The following ZPBP variants were observed in gnomAD, a reference collection of about 807,000 sequenced individuals.
The protein encoded by ZPBP is zona pellucida binding protein.
Under a neutral mutation model 44.8 loss-of-function variants are expected in ZPBP, and 26 were observed. That is an observed-to-expected ratio of 0.58 (90% confidence interval 0.43 to 0.81). The LOEUF (loss-of-function observed/expected upper bound fraction) is 0.81, where lower values mean the gene tolerates loss of function less well. Ranked by LOEUF, ZPBP falls within the 30% of genes least tolerant of loss-of-function variation. The probability of loss-of-function intolerance (pLI) is 0.00; values close to 1 mark genes in which losing one functional copy is unlikely to be tolerated. For missense variants in ZPBP, 409 were observed against 434.0 expected (o/e 0.94, Z 0.51); for synonymous variants, 174 against 153.2 (o/e 1.14, Z -1.00).
At chr7:50,009,048 T>A (rs969255262) in intron 6 of ZPBP, among the ~76,000 whole-genome samples, 6 of 151,832 alleles carry the variant, frequency 4.0e-5, no homozygotes, top group Admixed American at 1.3e-4. Context: ...AGCCTGGCCA[T>A]CATGGTGAAA....
chr7:50,030,134 G>A (rs1202340181), intron 5 of ZPBP, among the ~76,000 whole-genome samples: 2 of 152,096 alleles, frequency 1.3e-5, no homozygotes, highest in Non-Finnish European at 2.9e-5. Context: ...AACCTGAAGA[G>A]AGCCAAACTT....
intron 2 of ZPBP, among the ~76,000 whole-genome samples, chr7:49,851,492 A>G (rs2128716619): frequency 6.6e-6 from 1 of 152,314 alleles, no homozygotes; most frequent in Admixed American, 6.5e-5. Context: ...AAAGTGCTCC[A>G]GCAGATCTGA....
At chr7:49,994,169 C>T (rs1797699646) in intron 6 of ZPBP, among the ~76,000 whole-genome samples, 1 of 152,186 alleles carries the variant, frequency 6.6e-6, no homozygotes, top group African/African-American at 2.4e-5. Context: ...TGATGCATTG[C>T]CCAAAGTTTT....
At chr7:50,025,531 G>C (rs1414687791) in intron 5 of ZPBP, among the ~76,000 whole-genome samples, 1 of 151,668 alleles carries the variant, frequency 6.6e-6, no homozygotes, top group Non-Finnish European at 1.5e-5. Flanking sequence ...GCAATTCAAG[G>C]GAGAAAATAT....
intron 6 of ZPBP, among the ~76,000 whole-genome samples, chr7:50,007,785 C>A (rs549453641): frequency 6.6e-6 from 1 of 151,962 alleles, no homozygotes; most frequent in East Asian, 1.9e-4. Context: ...TATTTTTCAA[C>A]CGATGTAGAA....
intron 2 of ZPBP, among the ~76,000 whole-genome samples, chr7:49,876,463 T>C (rs576360846): frequency 6.6e-6 from 1 of 152,162 alleles, no homozygotes; most frequent in Non-Finnish European, 1.5e-5. Flanking sequence ...ATTAACTGTA[T>C]GTAAAAGCTC....
At chr7:49,914,245 C>G (rs913670823) in intron 1 of ZPBP, 4 of 152,246 alleles carry the variant, frequency 2.6e-5, no homozygotes, top group East Asian at 3.8e-4. Flanking sequence ...CAAAGTCTTC[C>G]TGTTTCCCTT....
At chr7:49,887,236 C>A (rs1388432178) in intron 2 of ZPBP, among the ~76,000 whole-genome samples, 1 of 152,174 alleles carries the variant, frequency 6.6e-6, no homozygotes, top group Non-Finnish European at 1.5e-5. Context: ...CTCTGACACA[C>A]ACTTATTTAT....
At chr7:50,039,142 T>C (rs1172474586) in intron 4 of ZPBP, among the ~76,000 whole-genome samples, 3 of 152,010 alleles carry the variant, frequency 2.0e-5, no homozygotes, top group Non-Finnish European at 2.9e-5. Context: ...TTCAAATAAT[T>C]CATTATAAAT....
intron 4 of ZPBP, among the ~76,000 whole-genome samples, chr7:50,033,488 G>C (rs1368869811): frequency 1.3e-5 from 2 of 152,054 alleles, no homozygotes; most frequent in African/African-American, 4.8e-5. Flanking sequence ...GAGAGGCATA[G>C]CATACTCTAA....
chr7:50,029,216 A>G (rs568001117), intron 5 of ZPBP, among the ~76,000 whole-genome samples: 4 of 152,312 alleles, frequency 2.6e-5, no homozygotes, highest in Admixed American at 2.0e-4. Context: ...CAAGGATGCC[A>G]AGACCATTCA....
chr7:49,889,954 T>C (rs931871584), intron 2 of ZPBP, among the ~76,000 whole-genome samples: 2 of 152,192 alleles, frequency 1.3e-5, no homozygotes, highest in African/African-American at 4.8e-5. Flanking sequence ...ATAACTAATC[T>C]CAATTTTAAT....
intron 1 of ZPBP, among the ~76,000 whole-genome samples, chr7:50,092,072 A>T (rs1803021672): frequency 6.6e-6 from 1 of 152,204 alleles, no homozygotes; most frequent in African/African-American, 2.4e-5. Context: ...CATCACTTAC[A>T]AGATACTAAC....
At chr7:50,012,596 G>A (rs1798636915) in intron 6 of ZPBP, among the ~76,000 whole-genome samples, 1 of 150,418 alleles carries the variant, frequency 6.6e-6, no homozygotes, top group African/African-American at 2.5e-5. Flanking sequence ...TTTGAAAAAT[G>A]TAACACCCAT....
intron 3 of ZPBP, among the ~76,000 whole-genome samples, chr7:50,078,266 G>A (rs1398834954): frequency 1.3e-5 from 2 of 151,538 alleles, no homozygotes; most frequent in Non-Finnish European, 3.0e-5. Context: ...GAGTTTTAGG[G>A]GGAAGTGGGG....
intron 6 of ZPBP, among the ~76,000 whole-genome samples, chr7:49,987,636 C>T (rs2128785393): frequency 6.6e-6 from 1 of 152,064 alleles, no homozygotes; most frequent in South Asian, 2.1e-4. Flanking sequence ...TAGAGAGTTC[C>T]ATCCAGAGGC....
rs368955605 is a variant in ZPBP at position 50,061,603 on chromosome 7, T to G, written c.335-3462A>C. Among the ~76,000 whole-genome samples, 15 of 152,252 alleles carry G rather than the reference T, an allele frequency of 9.9e-5. 1 individual carries two copies. The South Asian group carries it at 3.1e-3, about 32-fold the overall frequency. On this transcript the variant is annotated intron_variant, in intron 3 of 7. Transcript: ENST00000046087. ...GTAATCCCAGCTAATAAAGGGTTGA[T>G]TTTAATGATTTTAATGATTTCTCCT... is the stretch of plus-strand genomic sequence containing the variant.
At chr7:50,092,340 C>T (rs1331470608) in intron 1 of ZPBP, among the ~76,000 whole-genome samples, 3 of 152,112 alleles carry the variant, frequency 2.0e-5, no homozygotes, top group Non-Finnish European at 2.9e-5. Flanking sequence ...TTTCTCCTCC[C>T]CTATCCCCTA....
At chr7:49,976,252 C>T (rs1796513663) in intron 7 of ZPBP, among the ~76,000 whole-genome samples, 1 of 152,016 alleles carries the variant, frequency 6.6e-6, no homozygotes, top group Non-Finnish European at 1.5e-5. Context: ...TTCCATTGCC[C>T]CTTATGCCAT....
Sources: gnomAD v4.1 joint callset for allele counts (sites outside exome capture counted in the v4.1 genomes callset) on GRCh38, gnomAD v4.1.1 for gene constraint, MANE v1.5 for transcripts, NCBI Gene and HGNC (gene_info 2026-07-23, HGNC 2026-07-21) for gene names.